Variants in EBF1 observed in about 807,000 individuals in gnomAD.
The protein encoded by EBF1 is EBF transcription factor 1, also known as transcription factor COE1.
A neutral mutation model predicts 68.4 loss-of-function variants in EBF1; 10 were observed. The observed-to-expected ratio is 0.15, with a 90% CI of 0.09 to 0.25. The LOEUF (loss-of-function observed/expected upper bound fraction) is 0.25, where lower values mean the gene tolerates loss of function less well. Among genes scored for constraint, EBF1 ranks in the 10% least tolerant of loss-of-function variants. The pLI, the probability that EBF1 is intolerant of heterozygous loss-of-function variation, is 1.00. For synonymous variants in EBF1, 298 were observed against 299.8 expected (o/e 0.99, Z 0.06); for missense variants, 509 against 794.4 (o/e 0.64, Z 4.32).
intron 10 of EBF1, among the ~76,000 whole-genome samples, chr5:158,755,773 T>C (rs1769935658): frequency 6.6e-6 from 1 of 152,072 alleles, no homozygotes; most frequent in African/African-American, 2.4e-5. Flanking sequence ...ATGGTTGCCA[T>C]GATAGGATTT....
At position 158,988,977 on chromosome 5, in the gene EBF1, C is replaced by T. The variant is rs190933514; in HGVS notation, c.554+84419G>A. On this transcript the variant is annotated intron_variant, in intron 6 of 15. Coordinates refer to ENST00000313708, the MANE Select transcript of EBF1 (RefSeq NM_024007.5). ...TTCCAACAGAAAACCCTTTGGCAGC[C>T]ACTGGTCTTGCCCACCGCAGGCTTA... Among the ~76,000 whole-genome samples, 3 of 152,260 alleles carry T rather than the reference C, an allele frequency of 2.0e-5. No homozygotes were observed. The East Asian group carries it at 5.8e-4, about 29-fold the overall frequency.
chr5:158,942,201 G>A (rs1295125614), intron 6 of EBF1, among the ~76,000 whole-genome samples: 1 of 152,156 alleles, frequency 6.6e-6, no homozygotes, highest in Non-Finnish European at 1.5e-5. Flanking sequence ...TTGTGAAGCA[G>A]TGTCCTAAGA....
intron 6 of EBF1, among the ~76,000 whole-genome samples, chr5:158,862,773 G>T (rs1172994280): frequency 6.6e-6 from 1 of 152,126 alleles, no homozygotes; most frequent in Non-Finnish European, 1.5e-5. Context: ...ACCATATTGT[G>T]AACTTAGGCT....
intron 8 of EBF1, among the ~76,000 whole-genome samples, chr5:158,813,566 C>G (rs1050649723): frequency 6.6e-6 from 1 of 152,112 alleles, no homozygotes; most frequent in African/African-American, 2.4e-5. Context: ...ATTTTGGTAG[C>G]CACTTTTCCA....
intron 6 of EBF1, among the ~76,000 whole-genome samples, chr5:158,957,177 A>T (rs1468714290): frequency 6.6e-6 from 1 of 152,178 alleles, no homozygotes; most frequent in Non-Finnish European, 1.5e-5. Flanking sequence ...TATTATCCCC[A>T]TTTTACAGAT....
At position 159,050,663 on chromosome 5, in the gene EBF1, T is replaced by G. The variant is rs1584266832; in HGVS notation, c.554+22733A>C. Among the ~76,000 whole-genome samples the G allele has an allele frequency of 2.6e-5, 4 of 152,228 alleles. No homozygotes were observed. The South Asian group carries it at 6.2e-4, about 24-fold the overall frequency. On this transcript the variant is annotated intron_variant, in intron 6 of 15. Transcript: ENST00000313708. Reference sequence around the variant, plus strand: ...AGCATGTTTGTAACATACTTGTGCATGAACTCCCTTATAAGGGTTGACTGA... The same window carrying G: ...AGCATGTTTGTAACATACTTGTGCAGGAACTCCCTTATAAGGGTTGACTGA...
chr5:158,858,041 CTT>C (rs1366300698), intron 6 of EBF1, among the ~76,000 whole-genome samples: 1 of 152,118 alleles, frequency 6.6e-6, no homozygotes, highest in African/African-American at 2.4e-5. Context: ...AGTGGCTAGA[CTT>C]TATTCATTTG....
intron 15 of EBF1, chr5:158,707,752 A>T: frequency 1.9e-6 from 1 of 514,410 alleles, no homozygotes; most frequent in Non-Finnish European, 3.4e-6. Flanking sequence ...TGAAGTTGGA[A>T]AGAGGACTTC....
chr5:158,771,963 C>G (rs963592802), intron 10 of EBF1, among the ~76,000 whole-genome samples: 1 of 152,090 alleles, frequency 6.6e-6, no homozygotes, highest in African/African-American at 2.4e-5. Context: ...TGAACTGGAT[C>G]CTTCAGGTGA....
chr5:159,045,141 C>T (rs1470608021), intron 6 of EBF1, among the ~76,000 whole-genome samples: 2 of 152,030 alleles, frequency 1.3e-5, no homozygotes, highest in East Asian at 1.9e-4. Flanking sequence ...CATTATTTAA[C>T]TTCCGAAAAG....
At chr5:158,717,679 G>C (rs1393825819) in intron 11 of EBF1, among the ~76,000 whole-genome samples, 1 of 151,414 alleles carries the variant, frequency 6.6e-6, no homozygotes, top group African/African-American at 2.4e-5. Context: ...ACAAATACTA[G>C]TATCCTAAAT....
In EBF1 at chr5:158,708,110, G is replaced by A. The variant is rs769041367; in HGVS notation, c.1613C>T (p.Ser538Leu). The A allele has an allele frequency of 7.1e-5, 112 of 1,587,394 alleles. No individual in the cohort carries two copies. Among genetic ancestry groups the A allele is most frequent in the South Asian group, 1.3e-4 (11 of 86,514 alleles). Residue 538 changes from serine (S) to leucine (L), a missense_variant, in exon 15 of 16, where the codon TCG becomes TTG. Ser to Leu is a moderately radical substitution (Grantham distance 145). Coordinates refer to ENST00000313708, the MANE Select transcript of EBF1 (RefSeq NM_024007.5). ...TSLPSNCSSS[S>L]GIFSFSPANM... is the part of the protein sequence containing the mutation. ...GGCTGGTGAGAAGGAGAAGATGCCCGAGGAGCTGCTGCAGTTGGAGGGGAG... is the reference window on the plus strand; with the variant it reads ...GGCTGGTGAGAAGGAGAAGATGCCCAAGGAGCTGCTGCAGTTGGAGGGGAG...
intron 8 of EBF1, among the ~76,000 whole-genome samples, chr5:158,809,820 T>C (rs76823388): frequency 1.3e-5 from 2 of 152,284 alleles, no homozygotes; most frequent in East Asian, 3.9e-4. Context: ...TATCAGGCAG[T>C]TCCTTTTAAC....
intron 9 of EBF1, among the ~76,000 whole-genome samples, chr5:158,779,232 C>A (rs1775921066): frequency 6.6e-6 from 1 of 151,964 alleles, no homozygotes; most frequent in South Asian, 2.1e-4. Context: ...GTATTTTTAT[C>A]CTTTTTTTTT....
Position 158,698,566 on chromosome 5 carries a change from T to C in EBF1, c.*545A>G. 4.5e-6 allele frequency: 1 copy of C among 222,164 alleles called. No homozygotes were observed. The highest frequency in any genetic ancestry group is 9.0e-6 in the Non-Finnish European group (1 of 110,872). 13.8% of individuals were successfully genotyped at this position (222,164 alleles called of 1,614,324 possible). A position where few individuals can be genotyped will look rare whatever the true frequency, so the allele number is the denominator to read the frequency against. ...TGTCTGAGCTAACTACCATTTGATA[T>C]GCTTTAAGGCGCAAAAGCCGACCCT... is the stretch of plus-strand genomic sequence containing the variant. On this transcript the variant is annotated 3_prime_UTR_variant, in exon 16 of 16. Transcript: ENST00000313708.
intron 6 of EBF1, among the ~76,000 whole-genome samples, chr5:158,890,681 GCC>G (rs1412807807): frequency 1.3e-5 from 2 of 152,160 alleles, no homozygotes; most frequent in African/African-American, 4.8e-5. Context: ...CTTCCCCGAA[GCC>G]CCCGCCACCC....
chr5:159,089,836 GA>G (rs1308176907), intron 4 of EBF1, among the ~76,000 whole-genome samples: 1 of 149,178 alleles, frequency 6.7e-6, no homozygotes, highest in African/African-American at 2.5e-5. Flanking sequence ...AAGAAGAAAA[GA>G]AAAGAAAAAG....
intron 6 of EBF1, among the ~76,000 whole-genome samples, chr5:158,955,883 G>A (rs1816960275): frequency 6.6e-6 from 1 of 152,182 alleles, no homozygotes; most frequent in Admixed American, 6.5e-5. Flanking sequence ...GCAAAGAGTT[G>A]CTTAGCAATG....
intron 9 of EBF1, among the ~76,000 whole-genome samples, chr5:158,788,798 C>T (rs1477627629): frequency 2.0e-5 from 3 of 152,118 alleles, no homozygotes; most frequent in Admixed American, 2.0e-4. Flanking sequence ...CTCCTGAACA[C>T]GCTGTAAATA....
Sources: gnomAD v4.1 joint callset for allele counts (sites outside exome capture counted in the v4.1 genomes callset) on GRCh38, gnomAD v4.1.1 for gene constraint, MANE v1.5 for transcripts, NCBI Gene and HGNC (gene_info 2026-07-23, HGNC 2026-07-21) for gene names.